CFHR2: variants seen among roughly 807,000 people sequenced by gnomAD.
CFHR2 encodes complement factor H related 2, also known as complement factor H-related protein 2.
Under a neutral mutation model 21.7 loss-of-function variants are expected in CFHR2, and 22 were observed. That is an observed-to-expected ratio of 1.01 (90% CI 0.72 to 1.45). CFHR2 has a LOEUF of 1.45. Ranked by LOEUF, CFHR2 falls within the 40% of genes most tolerant of loss-of-function variation. The pLI is 0.00. For synonymous variants in CFHR2, 98 were observed against 97.4 expected (o/e 1.01, Z -0.04); for missense variants, 294 against 293.3 (o/e 1.00, Z -0.02).
At chr1:196,956,419 G>C (rs1236148876) in intron 3 of CFHR2, among the ~76,000 whole-genome samples, 1 of 152,170 alleles carries the variant, frequency 6.6e-6, no homozygotes, top group Non-Finnish European at 1.5e-5. Context: ...CTTATGGTCA[G>C]TCTGGGAAGT....
At chr1:196,954,289 C>T (rs1355178685) in intron 3 of CFHR2, among the ~76,000 whole-genome samples, 1 of 152,224 alleles carries the variant, frequency 6.6e-6, no homozygotes, top group Non-Finnish European at 1.5e-5. Flanking sequence ...TTTGACTCCT[C>T]GTCTCACATC....
At chr1:196,946,387 A>T (rs1659484868) in intron 1 of CFHR2, among the ~76,000 whole-genome samples, 1 of 152,180 alleles carries the variant, frequency 6.6e-6, no homozygotes, top group African/African-American at 2.4e-5. Context: ...TTTCTTCGAT[A>T]ATAAATTAAC....
rs41302103 is a variant in CFHR2 at position 196,958,798 on chromosome 1, A to G, written c.614-83A>G. The G allele has an allele frequency of 6.0e-3, 5,051 of 845,840 alleles. 35 individuals are homozygous for G. The highest frequency in any genetic ancestry group is 0.03 in the Middle Eastern group (85 of 2,810). The allele number at this position is 845,840 out of a possible 1,614,324, so 52.4% of individuals were successfully genotyped here. On this transcript the variant is annotated intron_variant, in intron 4 of 4. Coordinates refer to ENST00000367415, the MANE Select transcript of CFHR2 (RefSeq NM_005666.4). ...TTTGAGAAGTAATTCCTCAACCATCATATAACATTCTACTTGAAAACCTGA... is the reference window on the plus strand; with the variant it reads ...TTTGAGAAGTAATTCCTCAACCATCGTATAACATTCTACTTGAAAACCTGA...
At position 196,955,471 on chromosome 1, in the gene CFHR2, A is replaced by G. The variant is rs148525136; in HGVS notation, c.431-2420A>G. 6.6e-3 allele frequency among the ~76,000 whole-genome samples: 1,008 copies of G among 152,298 alleles called. 13 individuals carry two copies. The highest frequency in any genetic ancestry group is 0.023 in the African/African-American group (967 of 41,562). Reference sequence around the variant, plus strand: ...CTTCCACATTTTCAGGTATCTTTATAGCAGTGCCCCCTGTACCAATCTACT... The same window carrying G: ...CTTCCACATTTTCAGGTATCTTTATGGCAGTGCCCCCTGTACCAATCTACT... On this transcript the variant is annotated intron_variant, in intron 3 of 4. Coordinates refer to ENST00000367415, the MANE Select transcript of CFHR2 (RefSeq NM_005666.4).
intron 3 of CFHR2, among the ~76,000 whole-genome samples, chr1:196,951,736 T>C (rs1211728677): frequency 6.6e-6 from 1 of 152,124 alleles, no homozygotes; most frequent in Non-Finnish European, 1.5e-5. Flanking sequence ...CCACTTTCTC[T>C]CTGCTACTAT....
chr1:196,947,126 T>G (rs1659534248), intron 1 of CFHR2, among the ~76,000 whole-genome samples: 1 of 148,562 alleles, frequency 6.7e-6, no homozygotes, highest in African/African-American at 2.6e-5. Context: ...ACTGTATATA[T>G]GTATGTGTGT....
intron 2 of CFHR2, among the ~76,000 whole-genome samples, chr1:196,950,418 A>C (rs1367778012): frequency 6.6e-6 from 1 of 152,084 alleles, no homozygotes; most frequent in African/African-American, 2.4e-5. Flanking sequence ...AAATGTTTAT[A>C]TTTGATTTCA....
In CFHR2 at chr1:196,959,210, T is replaced by C. The variant is rs1440105635; in HGVS notation, c.*130T>C. On this transcript the variant is annotated 3_prime_UTR_variant, in exon 5 of 5. Transcript: ENST00000367415. Reference sequence around the variant, plus strand: ...ATAAATAAAGTTTTGTGTTGATTTGTGAAAATGCAATTACAATCTGAGATG... The same window carrying C: ...ATAAATAAAGTTTTGTGTTGATTTGCGAAAATGCAATTACAATCTGAGATG... 8 of 712,566 alleles carry C rather than the reference T, an allele frequency of 1.1e-5. No homozygotes were observed. The highest frequency in any genetic ancestry group is 1.4e-5 in the Non-Finnish European group (6 of 443,056). 44.1% of individuals were successfully genotyped at this position (712,566 alleles called of 1,614,324 possible). A position where few individuals can be genotyped will look rare whatever the true frequency, so the allele number is the denominator to read the frequency against.
At chr1:196,956,584 G>T (rs1179864630) in intron 3 of CFHR2, among the ~76,000 whole-genome samples, 5 of 152,032 alleles carry the variant, frequency 3.3e-5, no homozygotes, top group African/African-American at 9.7e-5. Flanking sequence ...AATTAATATT[G>T]CTCTGTATTG....
At chr1:196,955,388 C>G in intron 3 of CFHR2, among the ~76,000 whole-genome samples, 1 of 152,178 alleles carries the variant, frequency 6.6e-6, no homozygotes, top group East Asian at 1.9e-4. Context: ...ATCTTCCTAT[C>G]TTCTTCTGAG....
chr1:196,947,882 G>A (rs569514415), intron 1 of CFHR2, among the ~76,000 whole-genome samples: 23 of 152,098 alleles, frequency 1.5e-4, no homozygotes, highest in South Asian at 8.3e-4. Context: ...TTATATTGAC[G>A]GTGAGGGAGG....
chr1:196,949,614 C>A lies in CFHR2; in HGVS notation c.218C>A (p.Ala73Glu). ...TCCTTTTGGACTCGCATAACGTGCG[C>A]AGAAGAAGGATGGTCACCAACACCA... ...SKSFWTRITC[A>E]EEGWSPTPKC... The change falls in exon 2 of 5, where the codon GCA (alanine) becomes GAA (glutamate). Residue 73 changes from alanine to glutamate, a missense_variant. Physicochemically the swap from Ala to Glu is moderately radical, Grantham distance 107 (BLOSUM62 -1). Coordinates refer to ENST00000367415, the MANE Select transcript of CFHR2 (RefSeq NM_005666.4). 2 of 1,613,942 alleles carry A rather than the reference C, an allele frequency of 1.2e-6. No individual in the cohort carries two copies. Among genetic ancestry groups the A allele is most frequent in the Non-Finnish European group, 1.7e-6 (2 of 1,179,900 alleles).
chr1:196,946,638 C>T (rs1659501646), intron 1 of CFHR2, among the ~76,000 whole-genome samples: 1 of 152,186 alleles, frequency 6.6e-6, no homozygotes, highest in Admixed American at 6.5e-5. Context: ...ATCAGTATCA[C>T]TGTCTTCTTC....
In CFHR2 at chr1:196,959,263, C is replaced by T. The variant is rs1653028160; in HGVS notation, c.*183C>T. 1 of 525,810 alleles carries T rather than the reference C, an allele frequency of 1.9e-6. No homozygotes were observed. The highest frequency in any genetic ancestry group is 2.9e-5 in the South Asian group (1 of 34,184). 32.6% of individuals were successfully genotyped at this position (525,810 alleles called of 1,614,324 possible). A position where few individuals can be genotyped will look rare whatever the true frequency, so the allele number is the denominator to read the frequency against. On this transcript the variant is annotated 3_prime_UTR_variant, in exon 5 of 5. Coordinates refer to ENST00000367415, the MANE Select transcript of CFHR2 (RefSeq NM_005666.4). ...TCACAATGGTGAGGACTATCTTCACCAAATCTAAGTAACAACCTAGGAATT... is the reference window on the plus strand; with the variant it reads ...TCACAATGGTGAGGACTATCTTCACTAAATCTAAGTAACAACCTAGGAATT...
rs1287041943 is a variant in CFHR2 at position 196,950,989 on chromosome 1, G to A, written c.391G>A (p.Glu131Lys). The change falls in exon 3 of 5, where the codon GAA becomes AAA. Residue 131 changes from glutamate (E) to lysine (K), a missense_variant. Physicochemically the swap from Glu to Lys is moderately conservative, Grantham distance 56. Coordinates refer to ENST00000367415, the MANE Select transcript of CFHR2 (RefSeq NM_005666.4). Reference sequence around the variant, plus strand: ...CAATGAGAACAACATTTCATGTGTAGAACGGGGCTGGTCCACTCCTCCCAA... The same window carrying A: ...CAATGAGAACAACATTTCATGTGTAAAACGGGGCTGGTCCACTCCTCCCAA... ...QNNENNISCV[E>K]RGWSTPPKCR... The A allele has an allele frequency of 6.2e-7, 1 of 1,614,100 alleles. No homozygotes were observed. Among genetic ancestry groups the A allele is most frequent in the Admixed American group, 1.7e-5 (1 of 59,972 alleles).
rs528068218 is a variant in CFHR2 at position 196,959,414 on chromosome 1, C to T, written c.*334C>T. On this transcript the variant is annotated 3_prime_UTR_variant, in exon 5 of 5. Transcript: ENST00000367415. ...TAATTAGTATATCCATTATCTCAAACATTTTTCATTTCTTTGGGTTAGGAG... is the reference window on the plus strand; with the variant it reads ...TAATTAGTATATCCATTATCTCAAATATTTTTCATTTCTTTGGGTTAGGAG... 2.0e-5 allele frequency among the ~76,000 whole-genome samples: 3 copies of T among 151,922 alleles called. No individual in the cohort carries two copies. Among genetic ancestry groups the T allele is most frequent in the African/African-American group, 7.2e-5 (3 of 41,476 alleles).
chr1:196,948,312 C>T (rs1265622101), intron 1 of CFHR2, among the ~76,000 whole-genome samples: 2 of 151,932 alleles, frequency 1.3e-5, no homozygotes, highest in East Asian at 1.9e-4. Flanking sequence ...CTTGCTCTGT[C>T]GCCCCCAGGA....
chr1:196,950,732 CA>C (rs1659692815), intron 2 of CFHR2, 119 bp from the exon 3 acceptor site: 2 of 1,155,528 alleles, frequency 1.7e-6, no homozygotes, highest in East Asian at 5.1e-5. Context: ...CTCAGCCTCC[CA>C]AAGTGCAGGG....
intron 3 of CFHR2, among the ~76,000 whole-genome samples, chr1:196,953,123 A>T (rs1399215503): frequency 6.6e-6 from 1 of 152,208 alleles, no homozygotes; most frequent in Non-Finnish European, 1.5e-5. Context: ...TTTGCAAGTT[A>T]TGGTAATCCA....
Sources: allele counts gnomAD v4.1 joint callset (sites outside exome capture counted in the v4.1 genomes callset), GRCh38; gene constraint gnomAD v4.1.1; transcripts MANE v1.5; gene names NCBI Gene and HGNC (gene_info 2026-07-23, HGNC 2026-07-21).